Variants in ABCF2 observed in about 807,000 individuals in gnomAD.
ABCF2 encodes the protein ATP binding cassette subfamily F member 2.
ABCF2 carries 37 observed loss-of-function variants against 76.9 expected under a neutral mutation model. That is an observed-to-expected ratio of 0.48 (90% CI 0.37 to 0.63). The LOEUF (loss-of-function observed/expected upper bound fraction) is 0.63, where lower values mean the gene tolerates loss of function less well. Among genes scored for constraint, ABCF2 ranks in the 30% least tolerant of loss-of-function variants. The probability of loss-of-function intolerance (pLI) is 0.00; values close to 1 mark genes in which losing one functional copy is unlikely to be tolerated. For synonymous variants in ABCF2, 299 were observed against 283.7 expected (o/e 1.05, Z -0.54); for missense variants, 524 against 782.1 (o/e 0.67, Z 3.94).
At chr7:151,217,102 A>G (rs761216743) in intron 11 of ABCF2, among the ~76,000 whole-genome samples, 22 of 152,184 alleles carry the variant, frequency 1.4e-4, no homozygotes, top group Non-Finnish European at 3.2e-4. Context: ...TTCTTTTACA[A>G]TATTTTATAT....
Position 151,212,695 on chromosome 7 carries a change from T to C in ABCF2, c.*1359A>G, listed in dbSNP as rs7806825. The C allele has an allele frequency of 0.019, 3,282 of 175,402 alleles. 125 individuals are homozygous for C. Among genetic ancestry groups the C allele is most frequent in the African/African-American group, 0.074 (3,086 of 41,924 alleles). 10.9% of individuals were successfully genotyped at this position (175,402 alleles called of 1,614,324 possible). On this transcript the variant is annotated 3_prime_UTR_variant, in exon 15 of 15. Transcript: ENST00000287844. ...TTGTAGAGAAGGGGTCTCCCTACTT[T>C]GCCCAGGCTGGTCTTGAACTTCTAG...
chr7:151,224,457 A>C (rs977113008), intron 3 of ABCF2, among the ~76,000 whole-genome samples: 8 of 152,224 alleles, frequency 5.3e-5, no homozygotes, highest in Admixed American at 2.0e-4. Flanking sequence ...AAACCTTTTA[A>C]GTGCTCACAT....
chr7:151,217,775 G>C (rs1481823523), intron 11 of ABCF2, among the ~76,000 whole-genome samples: 1 of 150,788 alleles, frequency 6.6e-6, no homozygotes, highest in Non-Finnish European at 1.5e-5. Context: ...CTGGGCAACA[G>C]AGCGAGACTC....
intron 7 of ABCF2, among the ~76,000 whole-genome samples, chr7:151,220,753 TGAG>T (rs1355764226): frequency 6.6e-6 from 1 of 152,168 alleles, no homozygotes; most frequent in Non-Finnish European, 1.5e-5. Context: ...TTTGGGAGGC[TGAG>T]GAGGGCAGAT....
Position 151,212,913 on chromosome 7 carries a change from C to A in ABCF2, c.*1141G>T. On this transcript the variant is annotated 3_prime_UTR_variant, in exon 15 of 15. Transcript: ENST00000287844. Reference sequence around the variant, plus strand: ...TCCTGGGCTCAAGCGATCCATCCACCCTAGCCACCTGAGCAGGTGGGATTC... The same window carrying A: ...TCCTGGGCTCAAGCGATCCATCCACACTAGCCACCTGAGCAGGTGGGATTC... 4.4e-6 allele frequency: 1 copy of A among 228,382 alleles called. No homozygotes were observed. The allele number at this position is 228,382 out of a possible 1,614,324, so 14.1% of individuals were successfully genotyped here. A position where few individuals can be genotyped will look rare whatever the true frequency, so the allele number is the denominator to read the frequency against.
At chr7:151,223,395 G>C (rs1160886217) in intron 5 of ABCF2, among the ~76,000 whole-genome samples, 1 of 152,106 alleles carries the variant, frequency 6.6e-6, no homozygotes, top group African/African-American at 2.4e-5. Context: ...CTGGTGGGAG[G>C]ACAGAAACAG....
At chr7:151,217,956 G>C in intron 11 of ABCF2, 125 bp downstream of exon 11, 1 of 682,564 alleles carries the variant, frequency 1.5e-6, no homozygotes, top group Non-Finnish European at 2.6e-6. Context: ...CACCCCTCCA[G>C]ATGGCTCACT....
At chr7:151,226,719 C>A (rs866985313) in intron 1 of ABCF2, 40 of 366,290 alleles carry the variant, frequency 1.1e-4, no homozygotes, top group African/African-American at 7.4e-4. Flanking sequence ...AGGCACCAGT[C>A]CCCCACGGAC....
chr7:151,216,825 T>C (rs899200423), intron 11 of ABCF2, among the ~76,000 whole-genome samples: 3 of 152,184 alleles, frequency 2.0e-5, no homozygotes, highest in African/African-American at 7.2e-5. Flanking sequence ...AAAAACCCAG[T>C]CACTTCTAAT....
chr7:151,211,976 C>T lies in ABCF2; in HGVS notation c.*2078G>A. On this transcript the variant is annotated 3_prime_UTR_variant, in exon 15 of 15. Transcript: ENST00000287844. Reference sequence around the variant, plus strand: ...TTTTCAAGTGAGAGCACACCAATTCCACCTTTCTGGGCAGCTACTCACAAG... The same window carrying T: ...TTTTCAAGTGAGAGCACACCAATTCTACCTTTCTGGGCAGCTACTCACAAG... The T allele has an allele frequency of 1.0e-6, 1 of 981,460 alleles. No homozygotes were observed. Among genetic ancestry groups the T allele is most frequent in the Non-Finnish European group, 1.2e-6 (1 of 826,294 alleles). The allele number at this position is 981,460 out of a possible 1,614,324, so 60.8% of individuals were successfully genotyped here.
rs185309403 is a variant in ABCF2, at chr7:151,212,301, T to C, written c.*1753A>G. ...AAGTTCAAAAGACCCAGATAAGGTATGCAGAGCCCTGGGCTGGAAGTGAAT... is the reference window on the plus strand; with the variant it reads ...AAGTTCAAAAGACCCAGATAAGGTACGCAGAGCCCTGGGCTGGAAGTGAAT... On this transcript the variant is annotated 3_prime_UTR_variant, in exon 15 of 15. Transcript: ENST00000287844. The C allele has an allele frequency of 1.0e-6, 1 of 985,056 alleles. No homozygotes were observed. The highest frequency in any genetic ancestry group is 1.1e-4 in the East Asian group (1 of 8,822). The allele number at this position is 985,056 out of a possible 1,614,324, so 61.0% of individuals were successfully genotyped here.
At position 151,226,490 on chromosome 7, in the gene ABCF2, T is replaced by A; in HGVS notation, c.-32A>T. ...GACCCACAGGGGTAGGTTACTGTTG[T>A]TTCAGGGAGCCTGAAGGAAGGCAAA... On this transcript the variant is annotated 5_prime_UTR_variant, in exon 2 of 15. Transcript: ENST00000287844. The A allele has an allele frequency of 6.2e-7, 1 of 1,603,762 alleles. No individual in the cohort carries two copies. The highest frequency in any genetic ancestry group is 8.5e-7 in the Non-Finnish European group (1 of 1,175,682).
In ABCF2 at chr7:151,212,599, T is replaced by A. The variant is rs1439428467; in HGVS notation, c.*1455A>T. ...GCAGCCTCAACCTCCTGGGCTCAAG[T>A]GAGCCTCCTCTTATCAGAGCAGCTG... On this transcript the variant is annotated 3_prime_UTR_variant, in exon 15 of 15. Coordinates refer to ENST00000287844, the MANE Select transcript of ABCF2 (RefSeq NM_007189.3). The A allele has an allele frequency of 3.3e-6, 2 of 602,480 alleles. No homozygotes were observed. Among genetic ancestry groups the A allele is most frequent in the African/African-American group, 4.0e-5 (2 of 49,458 alleles). The allele number at this position is 602,480 out of a possible 1,614,324, so 37.3% of individuals were successfully genotyped here.
Position 151,213,892 on chromosome 7 carries a change from A to G in ABCF2, c.*162T>C. ...GACAGGTACTGTCCAGCTGTAGGTA[A>G]GAGAGTGCAGCTAAGGCAGGTTGAG... On this transcript the variant is annotated 3_prime_UTR_variant, in exon 15 of 15. Transcript: ENST00000287844. 3 of 1,450,200 alleles carry G rather than the reference A, an allele frequency of 2.1e-6. No individual in the cohort carries two copies. Among genetic ancestry groups the G allele is most frequent in the Non-Finnish European group, 2.7e-6 (3 of 1,109,470 alleles). The allele number at this position is 1,450,200 out of a possible 1,614,324, so 89.8% of individuals were successfully genotyped here.
At chr7:151,223,187 A>G (rs898844017) in intron 5 of ABCF2, among the ~76,000 whole-genome samples, 4 of 152,148 alleles carry the variant, frequency 2.6e-5, no homozygotes, top group African/African-American at 9.7e-5. Flanking sequence ...AATTCCCTTC[A>G]CAGAGAATGA....
chr7:151,218,471 G>T (rs889084482), intron 10 of ABCF2, 90 bp downstream of exon 10: 4 of 1,170,344 alleles, frequency 3.4e-6, no homozygotes, highest in Non-Finnish European at 3.8e-6. Context: ...GGGCTAGCAG[G>T]TGTGGTCAGC....
intron 2 of ABCF2, 110 bp from the exon 3 acceptor site, chr7:151,225,098 T>C (rs769092092): frequency 1.5e-4 from 144 of 977,356 alleles, no homozygotes; most frequent in Non-Finnish European, 2.1e-4. Flanking sequence ...CTCAGATGTT[T>C]CCCAAACTTT....
Position 151,213,164 on chromosome 7 carries a change from C to G in ABCF2, c.*890G>C. 1 of 985,348 alleles carries G rather than the reference C, an allele frequency of 1.0e-6. No individual in the cohort carries two copies. The allele number at this position is 985,348 out of a possible 1,614,324, so 61.0% of individuals were successfully genotyped here. On this transcript the variant is annotated 3_prime_UTR_variant, in exon 15 of 15. Coordinates refer to ENST00000287844, the MANE Select transcript of ABCF2 (RefSeq NM_007189.3). ...TGGACAGTGGTTCTCAAAATAGTCT[C>G]TAGACCAGCAACAACAGCATCACCT...
intron 5 of ABCF2, among the ~76,000 whole-genome samples, chr7:151,223,243 G>A (rs1359101137): frequency 6.6e-6 from 1 of 152,132 alleles, no homozygotes; most frequent in Non-Finnish European, 1.5e-5. Flanking sequence ...GGATTATTGG[G>A]GGAATGCTGG....
Sources: allele counts gnomAD v4.1 joint callset (sites outside exome capture counted in the v4.1 genomes callset), GRCh38; gene constraint gnomAD v4.1.1; transcripts MANE v1.5; gene names NCBI Gene and HGNC (gene_info 2026-07-23, HGNC 2026-07-21).